The following MMP15 variants were observed in gnomAD, a reference collection of about 807,000 sequenced individuals.
The protein encoded by MMP15 is matrix metalloproteinase-15.
In MMP15, 36 loss-of-function variants were observed where a neutral mutation model predicts 65.0. That is an observed-to-expected ratio of 0.55 (90% CI 0.42 to 0.73). The LOEUF is 0.73. Among genes scored for constraint, MMP15 ranks in the 30% least tolerant of loss-of-function variants. The probability of loss-of-function intolerance (pLI) is 0.00; values close to 1 mark genes in which losing one functional copy is unlikely to be tolerated. For synonymous variants in MMP15, 428 were observed against 410.2 expected, an observed-to-expected ratio of 1.04 and a Z score of -0.52; for missense variants, 870 against 987.8, an observed-to-expected ratio of 0.88 and a Z score of 1.60.
At chr16:58,029,362 T>C (rs970339598) in intron 1 of MMP15, among the ~76,000 whole-genome samples, 1 of 152,236 alleles carries the variant, frequency 6.6e-6, no homozygotes, top group Non-Finnish European at 1.5e-5. Context: ...AGATGCCATC[T>C]GTGCCCACCA....
intron 1 of MMP15, among the ~76,000 whole-genome samples, chr16:58,026,870 C>T (rs1282620440): frequency 2.0e-5 from 3 of 152,232 alleles, no homozygotes; most frequent in Non-Finnish European, 4.4e-5. Context: ...GCAGCCGATT[C>T]CTCGAGAGCC....
chr16:58,044,999 C>T lies in MMP15; in HGVS notation c.1571-8C>T, dbSNP rs779940344. 1.2e-6 allele frequency: 2 copies of T among 1,613,094 alleles called. No homozygotes were observed. Among genetic ancestry groups the T allele is most frequent in the African/African-American group, 1.3e-5 (1 of 74,922 alleles). Reference sequence around the variant, plus strand: ...CCTGAAGCCACTCTGGCCTCCTTGCCCCTGCAGCCTACACCTACTTCTACA... The same window carrying T: ...CCTGAAGCCACTCTGGCCTCCTTGCTCCTGCAGCCTACACCTACTTCTACA... On this transcript the variant is annotated splice_polypyrimidine_tract_variant and splice_region_variant and intron_variant, in intron 9 of 9. Transcript: ENST00000219271.
intron 9 of MMP15, among the ~76,000 whole-genome samples, chr16:58,044,537 T>G (rs1012395614): frequency 6.6e-6 from 1 of 152,218 alleles, no homozygotes; most frequent in Non-Finnish European, 1.5e-5. Flanking sequence ...ACCCCTTGAT[T>G]GAAACCTGGC....
At chr16:58,043,143 A>G (rs1597066989) in intron 7 of MMP15, 67 bp from the exon 8 acceptor site, 2 of 1,429,848 alleles carry the variant, frequency 1.4e-6, no homozygotes, top group Admixed American at 5.3e-5. Context: ...CCAGAAGAGC[A>G]TTCTTTTCCC....
chr16:58,026,216 C>A lies in MMP15; in HGVS notation c.-135C>A. On this transcript the variant is annotated 5_prime_UTR_variant, in exon 1 of 10. Transcript: ENST00000219271. ...TGGGAATTTGCCGAGGCGACCTAGG[C>A]GGCTCCGGCGGGGACCGGGAGCCCG... 1 of 995,106 alleles carries A rather than the reference C, an allele frequency of 1.0e-6. No individual in the cohort carries two copies. The highest frequency in any genetic ancestry group is 1.3e-6 in the Non-Finnish European group (1 of 771,982). The allele number at this position is 995,106 out of a possible 1,614,324, so 61.6% of individuals were successfully genotyped here. A position where few individuals can be genotyped will look rare whatever the true frequency, so the allele number is the denominator to read the frequency against.
Position 58,039,995 on chromosome 16 carries a change from C to A in MMP15, c.561C>A (p.Ile187=), listed in dbSNP as rs1421876473. Residue 187 remains isoleucine (I), a synonymous_variant, in exon 4 of 10, where the codon ATC becomes ATA. Transcript: ENST00000219271. ...TCCAGGAGGTGCCCTATGAGGACAT[C>A]CGGCTGCGGCGACAGAAGGAGGCCG... ...LVFQEVPYED[I]RLRRQKEADI... The A allele has an allele frequency of 6.2e-7, 1 of 1,614,052 alleles. No homozygotes were observed. The highest frequency in any genetic ancestry group is 1.1e-5 in the South Asian group (1 of 91,088).
intron 1 of MMP15, among the ~76,000 whole-genome samples, chr16:58,029,905 C>G (rs1309682926): frequency 1.3e-5 from 2 of 152,064 alleles, no homozygotes; most frequent in South Asian, 4.1e-4. Context: ...TGGAAAAGCC[C>G]CTCCCTGCCG....
chr16:58,027,635 G>A (rs1199926760), intron 1 of MMP15, among the ~76,000 whole-genome samples: 1 of 152,090 alleles, frequency 6.6e-6, no homozygotes, highest in African/African-American at 2.4e-5. Flanking sequence ...CCACCTCTCC[G>A]GGCTGCCTGG....
intron 7 of MMP15, among the ~76,000 whole-genome samples, chr16:58,042,657 A>C (rs1373530946): frequency 6.6e-6 from 1 of 152,118 alleles, no homozygotes; most frequent in African/African-American, 2.4e-5. Context: ...CTGCAGCCCC[A>C]TCCTCATAAG....
Position 58,043,342 on chromosome 16 carries a change from T to C in MMP15, c.1436T>C (p.Phe479Ser). 6.2e-7 allele frequency: 1 copy of C among 1,605,558 alleles called. No individual in the cohort carries two copies. The highest frequency in any genetic ancestry group is 8.5e-7 in the Non-Finnish European group (1 of 1,175,032). Residue 479 changes from phenylalanine (F) to serine (S), a missense_variant, in exon 8 of 10, where the codon TTC (phenylalanine) becomes TCC (serine). By Grantham distance (155) the Phe-to-Ser change is radical (BLOSUM62 -2). Transcript: ENST00000219271. ...TGGTGGGAGCCCACAGGCCACACCT[T>C]CTTCTTCCAAGAGGACAGGTGAGCA... Reference protein sequence around the residue: ...AIWWEPTGHTFFFQEDRYWRF... With the variant: ...AIWWEPTGHTSFFQEDRYWRF...
intron 4 of MMP15, 66 bp downstream of exon 4, chr16:58,040,248 C>T: frequency 2.0e-6 from 3 of 1,512,444 alleles, no homozygotes; most frequent in Non-Finnish European, 2.7e-6. Flanking sequence ...CAACACCCTG[C>T]TGAGTGGGTT....
At chr16:58,034,326 A>G (rs530226017) in intron 1 of MMP15, among the ~76,000 whole-genome samples, 1 of 152,236 alleles carries the variant, frequency 6.6e-6, no homozygotes, top group East Asian at 1.9e-4. Flanking sequence ...CACGCTGCCC[A>G]CCTGCAGGCA....
At position 58,042,275 on chromosome 16, in the gene MMP15, C is replaced by T; in HGVS notation, c.1209C>T (p.Asn403=). ...WRVRHNRVLD[N]YPMPIGHFWR... The stretch of plus-strand genomic sequence containing the variant: ...TCCGGCACAACCGCGTCCTGGACAA[C>T]TATCCCATGCCCATCGGGCACTTCT... Residue 403 remains asparagine (N), a synonymous_variant, in exon 7 of 10, where the codon AAC becomes AAT. Coordinates refer to ENST00000219271, the MANE Select transcript of MMP15 (RefSeq NM_002428.4). The T allele has an allele frequency of 6.2e-7, 1 of 1,614,228 alleles. No homozygotes were observed.
chr16:58,042,830 C>A (rs903487867), intron 7 of MMP15, among the ~76,000 whole-genome samples: 3 of 152,234 alleles, frequency 2.0e-5, no homozygotes, highest in Non-Finnish European at 2.9e-5. Context: ...TGGCACCAAA[C>A]TAAAAGCAGG....
chr16:58,038,490 A>T, intron 3 of MMP15, 96 bp downstream of exon 3: 1 of 1,512,626 alleles, frequency 6.6e-7, no homozygotes, highest in South Asian at 1.2e-5. Context: ...CAGCCTTAAC[A>T]GTCCAGCCCG....
intron 1 of MMP15, 95 bp from the exon 2 acceptor site, chr16:58,037,377 G>A (rs1051989998): frequency 1.3e-5 from 19 of 1,485,002 alleles, no homozygotes; most frequent in South Asian, 5.1e-5. Flanking sequence ...ATAGAGCAGC[G>A]GTGGTGGAGG....
chr16:58,045,034 A>G lies in MMP15; in HGVS notation c.1598A>G (p.Lys533Arg). 1.2e-6 allele frequency: 2 copies of G among 1,613,434 alleles called. No homozygotes were observed. Among genetic ancestry groups the G allele is most frequent in the Non-Finnish European group, 8.5e-7 (1 of 1,180,006 alleles). ...TACACCTACTTCTACAAGGGCACCA[A>G]ATACTGGAAATTCGACAATGAGCGC... is the stretch of plus-strand genomic sequence containing the variant. The part of the protein sequence containing the change: ...AAYTYFYKGT[K>R]YWKFDNERLR... Residue 533 changes from lysine to arginine, a missense_variant, in exon 10 of 10, where the codon AAA becomes AGA. Transcript: ENST00000219271.
intron 2 of MMP15, 69 bp downstream of exon 2, chr16:58,037,689 C>T (rs1959362189): frequency 5.0e-6 from 8 of 1,597,136 alleles, no homozygotes; most frequent in African/African-American, 4.0e-5. Flanking sequence ...CAAGAGGGCT[C>T]AGCATGTGGA....
rs749779284 is a variant in MMP15 at position 58,031,853 on chromosome 16, C to CTTTTTTT, written c.162+5366_162+5372dup. 6.1e-4 allele frequency among the ~76,000 whole-genome samples: 35 copies of CTTTTTTT among 57,744 alleles called. 5 individuals carry two copies. Among genetic ancestry groups the CTTTTTTT allele is most frequent in the African/African-American group, 2.6e-3 (32 of 12,108 alleles). 37.9% of individuals were successfully genotyped at this position (57,744 alleles called of 152,430 possible). ...CAAGGAGGACCTGGCTCGATGCCGC[C>CTTTTTTT]TTTTTTTTTTTTTTTTTTTTTTTTT... On this transcript the variant is annotated intron_variant, in intron 1 of 9. Coordinates refer to ENST00000219271, the MANE Select transcript of MMP15 (RefSeq NM_002428.4).
Sources: allele counts gnomAD v4.1 joint callset (sites outside exome capture counted in the v4.1 genomes callset), GRCh38; gene constraint gnomAD v4.1.1; transcripts MANE v1.5; gene names NCBI Gene and HGNC (gene_info 2026-07-23, HGNC 2026-07-21).